Variants in DLGAP1 observed in about 807,000 individuals in gnomAD.
The protein encoded by DLGAP1 is disks large-associated protein 1.
Under a neutral mutation model 90.8 loss-of-function variants are expected in DLGAP1, and 11 were observed. The observed-to-expected ratio is 0.12, with a 90% CI of 0.08 to 0.20. The LOEUF is 0.20. DLGAP1 is among the 10% of genes least tolerant of loss of function. The pLI, the probability that DLGAP1 is intolerant of heterozygous loss-of-function variation, is 1.00. For synonymous variants in DLGAP1, 558 were observed against 540.7 expected (o/e 1.03, Z -0.44); for missense variants, 1,050 against 1,333.8 (o/e 0.79, Z 3.31).
At chr18:4,300,017 T>C (rs1429473130) in intron 1 of DLGAP1, among the ~76,000 whole-genome samples, 2 of 152,180 alleles carry the variant, frequency 1.3e-5, no homozygotes, top group Non-Finnish European at 2.9e-5. Flanking sequence ...AGCAATCTCA[T>C]CTGTACTAAC....
At chr18:4,310,340 T>C (rs962787481) in intron 1 of DLGAP1, among the ~76,000 whole-genome samples, 12 of 152,214 alleles carry the variant, frequency 7.9e-5, no homozygotes, top group African/African-American at 2.7e-4. Context: ...AACGCATGCG[T>C]GTGTTGTTTT....
At chr18:3,662,208 C>A (rs2146612892) in intron 7 of DLGAP1, among the ~76,000 whole-genome samples, 1 of 152,086 alleles carries the variant, frequency 6.6e-6, no homozygotes, top group East Asian at 1.9e-4. Flanking sequence ...CAATAAAGAG[C>A]TAGAATGTGT....
At chr18:4,008,242 C>T (rs968978434) in intron 2 of DLGAP1, among the ~76,000 whole-genome samples, 3 of 151,704 alleles carry the variant, frequency 2.0e-5, no homozygotes, top group African/African-American at 7.3e-5. Context: ...CACACACACA[C>T]ACACACACTC....
chr18:3,568,902 G>T (rs1172912006), intron 8 of DLGAP1, among the ~76,000 whole-genome samples: 7 of 151,918 alleles, frequency 4.6e-5, no homozygotes. Context: ...TAGCCAGGAT[G>T]GTCTCGATCT....
At chr18:4,087,624 T>C (rs1035403152) in intron 2 of DLGAP1, among the ~76,000 whole-genome samples, 1 of 152,156 alleles carries the variant, frequency 6.6e-6, no homozygotes, top group Non-Finnish European at 1.5e-5. Flanking sequence ...ACTCCACAAC[T>C]CTATATTTCT....
chr18:3,924,030 T>C (rs2072325602), intron 3 of DLGAP1, among the ~76,000 whole-genome samples: 1 of 152,208 alleles, frequency 6.6e-6, no homozygotes, highest in Admixed American at 6.5e-5. Flanking sequence ...TTCAGCCACA[T>C]GTAGAGACAT....
At chr18:3,752,929 T>G (rs1031857915) in intron 5 of DLGAP1, among the ~76,000 whole-genome samples, 1 of 152,152 alleles carries the variant, frequency 6.6e-6, no homozygotes, top group African/African-American at 2.4e-5. Context: ...CATTCATCAG[T>G]TGATGGACAG....
rs1376753224 is a variant in DLGAP1, at chr18:3,727,772, T to C, written c.1591+1363A>G. On this transcript the variant is annotated intron_variant, in intron 7 of 12. Transcript: ENST00000315677. The surrounding 1 kb of genome is among the most constrained non-coding windows in gnomAD (Gnocchi z 4.7). ...ATAACTCTCATTTAATTTATTAACC[T>C]GTGGTTGTTCTTGGAGAATTTCCTA... 3.3e-5 allele frequency: 5 copies of C among 152,202 alleles called. No individual in the cohort carries two copies. The highest frequency in any genetic ancestry group is 6.5e-5 in the Admixed American group (1 of 15,282). The allele number at this position is 152,202 out of a possible 1,614,324, so 9.4% of individuals were successfully genotyped here. A position where few individuals can be genotyped will look rare whatever the true frequency, so the allele number is the denominator to read the frequency against.
At chr18:3,845,714 G>T in intron 4 of DLGAP1, 1 of 606,160 alleles carries the variant, frequency 1.6e-6, no homozygotes, top group Non-Finnish European at 2.1e-6. Flanking sequence ...GATCCTTGCA[G>T]CTTGCTAAAA....
chr18:4,199,509 G>C (rs754971886), intron 1 of DLGAP1, among the ~76,000 whole-genome samples: 3 of 152,122 alleles, frequency 2.0e-5, no homozygotes, highest in African/African-American at 7.2e-5. Flanking sequence ...GAATAATCCT[G>C]GTCATGCCAA....
At chr18:3,633,407 A>G (rs2058591982) in intron 7 of DLGAP1, among the ~76,000 whole-genome samples, 1 of 151,856 alleles carries the variant, frequency 6.6e-6, no homozygotes, top group South Asian at 2.1e-4. Context: ...ATCTCAAAAA[A>G]AAAAAAAAAA....
At chr18:3,654,456 T>C (rs141052960) in intron 7 of DLGAP1, among the ~76,000 whole-genome samples, 448 of 152,336 alleles carry the variant, frequency 2.9e-3, no homozygotes, top group Non-Finnish European at 5.4e-3. Context: ...AAATTGTATT[T>C]TGTCACTGTA....
chr18:4,157,882 C>A (rs7239168), intron 1 of DLGAP1, among the ~76,000 whole-genome samples: 13,850 of 152,136 alleles, frequency 0.091, 1,660 homozygotes, highest in African/African-American at 0.26. Context: ...CTTCCTTCAA[C>A]CTTAGCAAGA....
chr18:3,594,012 A>T (rs1395206554), intron 7 of DLGAP1: 3 of 54,424 alleles, frequency 5.5e-5, no homozygotes, highest in Admixed American at 4.3e-4. Flanking sequence ...TCATTAAAGA[A>T]AAAAAAAAAA....
intron 7 of DLGAP1, among the ~76,000 whole-genome samples, chr18:3,714,639 GT>G (rs869196557): frequency 0.41 from 37,683 of 92,780 alleles, 6,757 homozygotes; most frequent in Middle Eastern, 0.47. Context: ...TGATTACGTG[GT>G]TTTTTTTTTT....
chr18:3,932,955 A>C (rs2072551497), intron 3 of DLGAP1, among the ~76,000 whole-genome samples: 1 of 152,144 alleles, frequency 6.6e-6, no homozygotes, highest in Non-Finnish European at 1.5e-5. Flanking sequence ...TGGGGACTGG[A>C]CTCGGGGAGG....
chr18:4,208,522 G>A (rs2077768952), intron 1 of DLGAP1, among the ~76,000 whole-genome samples: 1 of 152,164 alleles, frequency 6.6e-6, no homozygotes, highest in South Asian at 2.1e-4. Flanking sequence ...TTTCCATTAT[G>A]CCAGTAACAT....
chr18:4,155,044 A>T, intron 1 of DLGAP1, among the ~76,000 whole-genome samples: 1 of 152,182 alleles, frequency 6.6e-6, no homozygotes, highest in East Asian at 1.9e-4. Flanking sequence ...GTGCATAGGT[A>T]GGGAGGTGTA....
chr18:4,098,898 T>C (rs73384765), intron 2 of DLGAP1, among the ~76,000 whole-genome samples: 4,542 of 152,242 alleles, frequency 0.03, 232 homozygotes, highest in African/African-American at 0.1. Context: ...AAATCCTAAG[T>C]CCAGAAGTCT....
Sources: allele counts gnomAD v4.1 joint callset (sites outside exome capture counted in the v4.1 genomes callset), GRCh38; gene constraint gnomAD v4.1.1; non-coding constraint Gnocchi (gnomAD v3.1); transcripts MANE v1.5; gene names NCBI Gene and HGNC (gene_info 2026-07-23, HGNC 2026-07-21).